Variants in XKR4 observed in about 807,000 individuals in gnomAD.
XKR4 encodes the protein XK related 4, also known as XK-related protein 4.
XKR4 carries 12 observed loss-of-function variants against 53.9 expected under a neutral mutation model. The observed-to-expected ratio is 0.22, with a 90% CI of 0.14 to 0.36. The LOEUF (loss-of-function observed/expected upper bound fraction) is 0.36, where lower values mean the gene tolerates loss of function less well. Among genes scored for constraint, XKR4 ranks in the 10% least tolerant of loss-of-function variants. The pLI is 1.00. For synonymous variants in XKR4, 354 were observed against 362.4 expected (o/e 0.98, Z 0.26); for missense variants, 799 against 859.5 (o/e 0.93, Z 0.88).
chr8:55,298,053 C>G (rs1232957509), intron 1 of XKR4, among the ~76,000 whole-genome samples: 1 of 152,098 alleles, frequency 6.6e-6, no homozygotes. Context: ...ATTTTTCTGG[C>G]CTTTACCCAG....
chr8:55,160,681 C>T lies in XKR4; in HGVS notation c.806+57387C>T, dbSNP rs76710694. Among the ~76,000 whole-genome samples, 1,003 of 152,184 alleles carry T rather than the reference C, an allele frequency of 6.6e-3. 16 individuals carry two copies. The highest frequency in any genetic ancestry group is 0.022 in the African/African-American group (901 of 41,508). ...ATTTCATTTTCATTGTTGTTATATT[C>T]GGTTGAACCACACAAAATGGCCAAT... On this transcript the variant is annotated intron_variant, in intron 1 of 2. Coordinates refer to ENST00000327381, the MANE Select transcript of XKR4 (RefSeq NM_052898.2).
At chr8:55,437,841 C>T (rs756311160) in intron 2 of XKR4, among the ~76,000 whole-genome samples, 2 of 151,876 alleles carry the variant, frequency 1.3e-5, no homozygotes, top group African/African-American at 2.4e-5. Flanking sequence ...GCAGAAAAAG[C>T]AGCAGTGTAA....
chr8:55,184,963 A>G (rs1325298490), intron 1 of XKR4, among the ~76,000 whole-genome samples: 1 of 152,250 alleles, frequency 6.6e-6, no homozygotes, highest in African/African-American at 2.4e-5. Flanking sequence ...AATAGTGAAC[A>G]TGCCCAACAA....
chr8:55,341,483 C>T (rs112800351), intron 1 of XKR4, among the ~76,000 whole-genome samples: 342 of 152,276 alleles, frequency 2.2e-3, no homozygotes, highest in Non-Finnish European at 3.6e-3. Context: ...TCTCAGGGTA[C>T]CTGTGCCAGG....
chr8:55,494,451 G>A (rs764945842), intron 2 of XKR4, among the ~76,000 whole-genome samples: 4 of 152,314 alleles, frequency 2.6e-5, no homozygotes, highest in African/African-American at 7.2e-5. Context: ...TTTTAGCCCC[G>A]CCATTCAATG....
intron 2 of XKR4, among the ~76,000 whole-genome samples, chr8:55,394,108 A>C (rs1804483479): frequency 6.6e-6 from 1 of 152,238 alleles, no homozygotes. Flanking sequence ...GATAAAACTC[A>C]ACTGCTTTTT....
Position 55,452,658 on chromosome 8 carries a change from G to C in XKR4, c.1007-70623G>C, listed in dbSNP as rs1244576272. Reference sequence around the variant, plus strand: ...ATGCAGCCCCTTGAGGTGGTCACTGGTGACCCCACTCTCTGTGCAGACCTT... The same window carrying C: ...ATGCAGCCCCTTGAGGTGGTCACTGCTGACCCCACTCTCTGTGCAGACCTT... On this transcript the variant is annotated intron_variant, in intron 2 of 2. Transcript: ENST00000327381. 2.1e-6 allele frequency: 3 copies of C among 1,435,990 alleles called. No homozygotes were observed. The African/African-American group carries it at 4.2e-5, about 20-fold the overall frequency. The allele number at this position is 1,435,990 out of a possible 1,614,324, so 89.0% of individuals were successfully genotyped here.
chr8:55,458,861 G>A (rs1172453471), intron 2 of XKR4, among the ~76,000 whole-genome samples: 2 of 152,184 alleles, frequency 1.3e-5, no homozygotes, highest in African/African-American at 4.8e-5. Flanking sequence ...AGCAGGGCAG[G>A]CCAGGGTGGT....
At chr8:55,400,213 A>G (rs1220753682) in intron 2 of XKR4, among the ~76,000 whole-genome samples, 3 of 152,202 alleles carry the variant, frequency 2.0e-5, no homozygotes, top group Admixed American at 1.3e-4. Flanking sequence ...GGGTAGCAAC[A>G]TCTGTTAGAC....
chr8:55,351,482 C>T (rs1434900599), intron 1 of XKR4, among the ~76,000 whole-genome samples: 2 of 152,116 alleles, frequency 1.3e-5, no homozygotes, highest in Admixed American at 1.3e-4. Context: ...CCTATAGAAA[C>T]AAACAGCTGG....
intron 2 of XKR4, among the ~76,000 whole-genome samples, chr8:55,498,930 G>A (rs973741218): frequency 1.1e-4 from 16 of 152,198 alleles, no homozygotes; most frequent in Non-Finnish European, 1.0e-4. Context: ...TCAGAGAAGC[G>A]AAAGGACTTG....
chr8:55,332,355 A>G (rs913786511), intron 1 of XKR4, among the ~76,000 whole-genome samples: 3 of 151,966 alleles, frequency 2.0e-5, no homozygotes, highest in Non-Finnish European at 4.4e-5. Context: ...ACAAATTATA[A>G]TTTTTTTATA....
At chr8:55,410,314 C>T (rs1271768784) in intron 2 of XKR4, among the ~76,000 whole-genome samples, 2 of 152,158 alleles carry the variant, frequency 1.3e-5, no homozygotes, top group African/African-American at 2.4e-5. Context: ...GATGGCTTTC[C>T]AAGCATGTCT....
At chr8:55,376,440 A>G (rs1258884332) in intron 2 of XKR4, among the ~76,000 whole-genome samples, 4 of 152,202 alleles carry the variant, frequency 2.6e-5, no homozygotes, top group Non-Finnish European at 4.4e-5. Context: ...ATGAGATAGT[A>G]TCTCATTGTG....
At chr8:55,338,638 G>T (rs140847394) in intron 1 of XKR4, among the ~76,000 whole-genome samples, 1 of 152,168 alleles carries the variant, frequency 6.6e-6, no homozygotes, top group Non-Finnish European at 1.5e-5. Context: ...ATGTGGTCAG[G>T]TTATACCTGT....
chr8:55,238,100 G>T (rs948114970), intron 1 of XKR4, among the ~76,000 whole-genome samples: 1 of 152,176 alleles, frequency 6.6e-6, no homozygotes, highest in African/African-American at 2.4e-5. Context: ...GAATTAATTT[G>T]TAGGCAAAGC....
At chr8:55,443,903 G>A (rs997773490) in intron 2 of XKR4, among the ~76,000 whole-genome samples, 1 of 151,868 alleles carries the variant, frequency 6.6e-6, no homozygotes, top group Non-Finnish European at 1.5e-5. Context: ...AGGCACAGGG[G>A]CTCACACCTG....
At chr8:55,395,379 T>A (rs772404974) in intron 2 of XKR4, among the ~76,000 whole-genome samples, 8 of 150,598 alleles carry the variant, frequency 5.3e-5, no homozygotes, top group African/African-American at 1.7e-4. Flanking sequence ...GCAGAGAGAG[T>A]CCAGGAAAGG....
intron 1 of XKR4, among the ~76,000 whole-genome samples, chr8:55,289,657 GGAAAAGAAAA>G (rs1230746530): frequency 2.4e-5 from 2 of 83,238 alleles, no homozygotes; most frequent in African/African-American, 8.4e-5. Flanking sequence ...AAGGAAGGAA[GGAAAAGAAAA>G]GAAAAGAAAG....
Sources: gnomAD v4.1 joint callset for allele counts (sites outside exome capture counted in the v4.1 genomes callset) on GRCh38, gnomAD v4.1.1 for gene constraint, MANE v1.5 for transcripts, NCBI Gene and HGNC (gene_info 2026-07-23, HGNC 2026-07-21) for gene names.